PCDHGB1: variants seen among roughly 807,000 people sequenced by gnomAD.
PCDHGB1 encodes the protein protocadherin gamma-B1.
In PCDHGB1, 34 loss-of-function variants were observed where a neutral mutation model predicts 56.6. The observed-to-expected ratio is 0.60, with a 90% CI of 0.46 to 0.80. PCDHGB1 has a LOEUF of 0.80. PCDHGB1 is among the 30% of genes least tolerant of loss of function. PCDHGB1 has a pLI of 0.00. For synonymous variants in PCDHGB1, 561 were observed against 505.9 expected (o/e 1.11, Z -1.46); for missense variants, 1,278 against 1,204.6 (o/e 1.06, Z -0.90).
chr5:141,487,616 G>A lies in PCDHGB1; in HGVS notation c.2410-7191G>A. On this transcript the variant is annotated intron_variant, in intron 1 of 3. Transcript: ENST00000523390. This position sits in a 1 kb window ranked among gnomAD's most constrained non-coding sequence, Gnocchi z 5.0. ...CTCTGATCTTCTCTATGGGCTAGAG[G>A]TGAGACCTTTGCAGGCTCAACAAAT... 2 of 1,614,220 alleles carry A rather than the reference G, an allele frequency of 1.2e-6. No homozygotes were observed. The highest frequency in any genetic ancestry group is 1.7e-6 in the Non-Finnish European group (2 of 1,180,044).
chr5:141,419,218 A>G, intron 1 of PCDHGB1: 1 of 1,613,940 alleles, frequency 6.2e-7, no homozygotes, highest in Non-Finnish European at 8.5e-7. Flanking sequence ...CGGTTTTCGG[A>G]CAGTCAGCCT....
chr5:141,467,923 T>C lies in PCDHGB1; in HGVS notation c.2410-26884T>C, dbSNP rs190816380. Among the ~76,000 whole-genome samples the C allele has an allele frequency of 3.9e-3, 588 of 151,590 alleles. 5 individuals carry two copies. Among genetic ancestry groups the C allele is most frequent in the Admixed American group, 0.011 (168 of 15,214 alleles). ...ATCCGCCCACCTCAGCCTCCCAAAA[T>C]GCTAGGATTACAAGCATGAGCCACC... On this transcript the variant is annotated intron_variant, in intron 1 of 3. Coordinates refer to ENST00000523390, the MANE Select transcript of PCDHGB1 (RefSeq NM_018922.3).
intron 1 of PCDHGB1, among the ~76,000 whole-genome samples, chr5:141,482,447 T>C (rs2099560010): frequency 6.7e-6 from 1 of 149,882 alleles, no homozygotes; most frequent in East Asian, 1.9e-4. Flanking sequence ...ATTCACCATT[T>C]ATTAGCATCC....
intron 3 of PCDHGB1, among the ~76,000 whole-genome samples, chr5:141,506,454 A>G (rs2099853946): frequency 6.6e-6 from 1 of 151,844 alleles, no homozygotes; most frequent in African/African-American, 2.4e-5. Context: ...CAAAAAAAAA[A>G]AAAAAAAAAA....
chr5:141,493,908 G>A lies in PCDHGB1; in HGVS notation c.2410-899G>A, dbSNP rs1308946115. ...CTAGGAGTGCTCCATGAGAGTGTGT[G>A]ATGGGATAACACACCCCCTGGAAAG... On this transcript the variant is annotated intron_variant, in intron 1 of 3. Transcript: ENST00000523390. This position sits in a 1 kb window ranked among gnomAD's most constrained non-coding sequence, Gnocchi z 4.3. Among the ~76,000 whole-genome samples the A allele has an allele frequency of 6.6e-6, 1 of 152,208 alleles. No homozygotes were observed. The highest frequency in any genetic ancestry group is 1.5e-5 in the Non-Finnish European group (1 of 68,032).
intron 1 of PCDHGB1, chr5:141,404,476 C>T (rs1453332441): frequency 6.2e-7 from 1 of 1,613,362 alleles, no homozygotes; most frequent in South Asian, 1.1e-5. Context: ...TCTCTATTAA[C>T]TCAGACACTG....
chr5:141,434,073 A>G (rs1372471160), intron 1 of PCDHGB1, among the ~76,000 whole-genome samples: 2 of 152,058 alleles, frequency 1.3e-5, no homozygotes, highest in African/African-American at 4.8e-5. Flanking sequence ...GTTAATATCA[A>G]TTATTTATTT....
intron 1 of PCDHGB1, chr5:141,356,736 G>C: frequency 6.2e-7 from 1 of 1,613,970 alleles, no homozygotes; most frequent in Non-Finnish European, 8.5e-7. Flanking sequence ...CCAATACAGG[G>C]ATCCTATATG....
chr5:141,413,865 C>A, intron 1 of PCDHGB1: 2 of 1,613,388 alleles, frequency 1.2e-6, no homozygotes, highest in Non-Finnish European at 1.7e-6. Context: ...CTGGCACTGT[C>A]CTTGTCAGTG....
intron 1 of PCDHGB1, among the ~76,000 whole-genome samples, chr5:141,435,743 G>T (rs3805699): frequency 0.11 from 17,212 of 152,168 alleles, 1,160 homozygotes; most frequent in African/African-American, 0.18. Context: ...TCTTTGAAAA[G>T]CATTGCTTGA....
intron 1 of PCDHGB1, chr5:141,375,958 G>A (rs1002329693): frequency 7.4e-6 from 12 of 1,613,460 alleles, no homozygotes; most frequent in Non-Finnish European, 1.0e-5. Context: ...ACACGGGCGA[G>A]GTGCGCACGG....
rs376764580 is a variant in PCDHGB1 at position 141,400,568 on chromosome 5, T to C, written c.2409+47899T>C. On this transcript the variant is annotated intron_variant, in intron 1 of 3. Coordinates refer to ENST00000523390, the MANE Select transcript of PCDHGB1 (RefSeq NM_018922.3). ...TATTCTTTTTCATTACCCACCCAATTTTCTGTATTTACATGAAACTATCGT... is the reference window on the plus strand; with the variant it reads ...TATTCTTTTTCATTACCCACCCAATCTTCTGTATTTACATGAAACTATCGT... 46 of 1,612,870 alleles carry C rather than the reference T, an allele frequency of 2.9e-5. No homozygotes were observed. In the African/African-American group the frequency reaches 5.7e-4, roughly 20 times the overall value.
chr5:141,500,430 C>T (rs2099800127), intron 2 of PCDHGB1, among the ~76,000 whole-genome samples: 1 of 151,676 alleles, frequency 6.6e-6, no homozygotes, highest in African/African-American at 2.4e-5. Context: ...AGGATGGTCT[C>T]GATCTCCTGA....
chr5:141,421,715 T>G (rs756472123), intron 1 of PCDHGB1: 1 of 1,613,960 alleles, frequency 6.2e-7, no homozygotes, highest in Admixed American at 1.7e-5. Context: ...GATCCAGATG[T>G]GGGCGTGAAC....
chr5:141,375,647 T>A (rs1265306389), intron 1 of PCDHGB1: 1 of 1,614,156 alleles, frequency 6.2e-7, no homozygotes, highest in Admixed American at 1.7e-5. Flanking sequence ...CTCCTTCGAC[T>A]ATGAGCAGTT....
At chr5:141,460,010 G>A (rs376180479) in intron 1 of PCDHGB1, among the ~76,000 whole-genome samples, 1 of 152,126 alleles carries the variant, frequency 6.6e-6, no homozygotes, top group Admixed American at 6.5e-5. Context: ...CCCAGGAGGC[G>A]GAGGTTGCAG....
At chr5:141,418,348 T>C in intron 1 of PCDHGB1, 4 of 1,613,982 alleles carry the variant, frequency 2.5e-6, no homozygotes, top group Non-Finnish European at 3.4e-6. Context: ...CTGATATTAG[T>C]ATGAATTCGC....
intron 1 of PCDHGB1, chr5:141,362,603 C>A: frequency 6.4e-7 from 1 of 1,572,606 alleles, no homozygotes; most frequent in Non-Finnish European, 8.6e-7. Context: ...ATTGTTTCAC[C>A]TAATTTGGGT....
At chr5:141,388,332 A>G in intron 1 of PCDHGB1, 1 of 1,614,002 alleles carries the variant, frequency 6.2e-7, no homozygotes. Flanking sequence ...ACAGCCTGGC[A>G]CACGATTTAT....
Sources: allele counts gnomAD v4.1 joint callset (sites outside exome capture counted in the v4.1 genomes callset), GRCh38; gene constraint gnomAD v4.1.1; non-coding constraint Gnocchi (gnomAD v3.1); transcripts MANE v1.5; gene names NCBI Gene and HGNC (gene_info 2026-07-23, HGNC 2026-07-21).